Variants in GRID1 observed in about 807,000 individuals in gnomAD.
The protein encoded by GRID1 is glutamate receptor ionotropic, delta-1.
Under a neutral mutation model 98.0 loss-of-function variants are expected in GRID1, and 28 were observed. The observed-to-expected ratio is 0.29, with a 90% CI of 0.21 to 0.39. The LOEUF (loss-of-function observed/expected upper bound fraction) is 0.39, where lower values mean the gene tolerates loss of function less well. GRID1 is among the 10% of genes least tolerant of loss of function. The probability of loss-of-function intolerance (pLI) is 1.00; values close to 1 mark genes in which losing one functional copy is unlikely to be tolerated. For missense variants in GRID1, 1,111 were observed against 1,340.5 expected (o/e 0.83, Z 2.67); for synonymous variants, 553 against 538.5 (o/e 1.03, Z -0.37).
At position 85,856,095 on chromosome 10, in the gene GRID1, G is replaced by A. The variant is rs2131781584; in HGVS notation, c.1047C>T (p.Leu349=). ...GCTTAGTGGATTTCCGTATGCAGTT[G>A]AGGCTCGCCATGCTATGCCACTTCC... The part of the protein sequence containing the change: ...EDRKWHSMAS[L]NCIRKSTKPW... The change falls in exon 7 of 16, where the codon CTC becomes CTT. Residue 349 remains leucine (L), a synonymous_variant. Coordinates refer to ENST00000327946, the MANE Select transcript of GRID1 (RefSeq NM_017551.3). 1.2e-6 allele frequency: 2 copies of A among 1,614,158 alleles called. No individual in the cohort carries two copies. Among genetic ancestry groups the A allele is most frequent in the East Asian group, 2.2e-5 (1 of 44,868 alleles).
At chr10:86,215,272 C>T (rs964425824) in intron 2 of GRID1, among the ~76,000 whole-genome samples, 4 of 152,180 alleles carry the variant, frequency 2.6e-5, no homozygotes, top group Non-Finnish European at 4.4e-5. Flanking sequence ...GACGGACTGT[C>T]GTCCAGGGCA....
Position 85,724,515 on chromosome 10 carries a change from C to T in GRID1, c.1695G>A (p.Val565=), listed in dbSNP as rs779794486. 7 of 1,614,120 alleles carry T rather than the reference C, an allele frequency of 4.3e-6. No individual in the cohort carries two copies. The highest frequency in any genetic ancestry group is 3.3e-5 in the South Asian group (3 of 91,086). The change falls in exon 11 of 16, where the codon GTG becomes GTA. Residue 565 remains valine (V), a synonymous_variant. Transcript: ENST00000327946. ...FSLFAPFDFA[V]WACIAAAIPV... ...GGATGGCTGCTGCAATGCAGGCCCA[C>T]ACAGCGAAATCAAATGGAGCAAAGA...
intron 4 of GRID1, among the ~76,000 whole-genome samples, chr10:86,098,982 C>T (rs1844257887): frequency 6.6e-6 from 1 of 152,216 alleles, no homozygotes; most frequent in Non-Finnish European, 1.5e-5. Flanking sequence ...GCACTCAACA[C>T]AAGCACACTC....
At chr10:85,875,148 G>C (rs1431576505) in intron 5 of GRID1, among the ~76,000 whole-genome samples, 1 of 152,194 alleles carries the variant, frequency 6.6e-6, no homozygotes, top group African/African-American at 2.4e-5. Context: ...AAAGTGCTGG[G>C]ATTACAGGTG....
At chr10:86,313,820 G>T (rs1416969226) in intron 2 of GRID1, among the ~76,000 whole-genome samples, 1 of 152,188 alleles carries the variant, frequency 6.6e-6, no homozygotes, top group Non-Finnish European at 1.5e-5. Flanking sequence ...TGGCGCTCCT[G>T]GTGGCTGGCT....
chr10:86,138,236 C>A (rs1458424020), intron 4 of GRID1, among the ~76,000 whole-genome samples: 1 of 152,194 alleles, frequency 6.6e-6, no homozygotes, highest in East Asian at 1.9e-4. Flanking sequence ...TGAATGGATT[C>A]TTTACTAACC....
chr10:86,351,982 C>G (rs1848469535), intron 2 of GRID1, among the ~76,000 whole-genome samples: 1 of 152,332 alleles, frequency 6.6e-6, no homozygotes, highest in East Asian at 1.9e-4. Flanking sequence ...TTTAGGTACA[C>G]CAGGGACCCT....
chr10:85,758,517 G>T (rs970648420), intron 8 of GRID1, among the ~76,000 whole-genome samples: 1 of 152,162 alleles, frequency 6.6e-6, no homozygotes, highest in Non-Finnish European at 1.5e-5. Context: ...TAGCTTCAGG[G>T]TTTTCAAACT....
intron 8 of GRID1, among the ~76,000 whole-genome samples, chr10:85,830,279 C>G (rs1452214790): frequency 6.6e-6 from 1 of 152,080 alleles, no homozygotes; most frequent in Non-Finnish European, 1.5e-5. Flanking sequence ...AAACTGGACC[C>G]CTTCCTTACA....
At chr10:85,839,134 G>C (rs1342466321) in intron 8 of GRID1, among the ~76,000 whole-genome samples, 1 of 152,164 alleles carries the variant, frequency 6.6e-6, no homozygotes, top group Admixed American at 6.5e-5. Context: ...GGATCACCAA[G>C]ATTCATAAAG....
At chr10:85,948,264 A>G (rs1426142362) in intron 4 of GRID1, among the ~76,000 whole-genome samples, 8 of 152,234 alleles carry the variant, frequency 5.3e-5, no homozygotes, top group Non-Finnish European at 4.4e-5. Context: ...ATCTAAAATT[A>G]TTCCAAGTGA....
At chr10:85,607,624 G>A (rs541608591) in intron 15 of GRID1, among the ~76,000 whole-genome samples, 4 of 152,186 alleles carry the variant, frequency 2.6e-5, no homozygotes, top group East Asian at 3.9e-4. Flanking sequence ...ATGTTTTAGG[G>A]AGGGCAATGA....
At position 86,023,545 on chromosome 10, in the gene GRID1, C is replaced by T. The variant is rs577956303; in HGVS notation, c.727-107306G>A. On this transcript the variant is annotated intron_variant, in intron 4 of 15. Transcript: ENST00000327946. ...ACCCACTGCTTCTCCAGGTCCCTGT[C>T]CAGACCCCTCTCTTGAACACCATTT... Among the ~76,000 whole-genome samples the T allele has an allele frequency of 1.4e-4, 21 of 152,280 alleles. No homozygotes were observed. The South Asian group carries it at 4.1e-3, about 30-fold the overall frequency.
At chr10:86,259,376 G>A (rs1347321250) in intron 2 of GRID1, among the ~76,000 whole-genome samples, 1 of 152,166 alleles carries the variant, frequency 6.6e-6, no homozygotes, top group East Asian at 1.9e-4. Context: ...CATGTTCACT[G>A]ATGACAACTA....
chr10:85,602,227 G>C lies in GRID1; in HGVS notation c.*46C>G, dbSNP rs1590152897. On this transcript the variant is annotated 3_prime_UTR_variant, in exon 16 of 16. Coordinates refer to ENST00000327946, the MANE Select transcript of GRID1 (RefSeq NM_017551.3). ...TTGTTTTCTTGTATTAAAAAGCTCT[G>C]CTGGTCGGGTGGGTGGGAGGGTGGG... 1 of 1,245,912 alleles carries C rather than the reference G, an allele frequency of 8.0e-7. No individual in the cohort carries two copies. Among genetic ancestry groups the C allele is most frequent in the African/African-American group, 1.5e-5 (1 of 64,926 alleles). The allele number at this position is 1,245,912 out of a possible 1,614,324, so 77.2% of individuals were successfully genotyped here. A position where few individuals can be genotyped will look rare whatever the true frequency, so the allele number is the denominator to read the frequency against.
At chr10:85,734,835 A>T (rs1243314577) in intron 8 of GRID1, among the ~76,000 whole-genome samples, 1 of 152,178 alleles carries the variant, frequency 6.6e-6, no homozygotes, top group African/African-American at 2.4e-5. Flanking sequence ...AACATAGAAA[A>T]GCACGGTTCA....
At chr10:85,708,609 C>T (rs1301505623) in intron 12 of GRID1, among the ~76,000 whole-genome samples, 1 of 152,146 alleles carries the variant, frequency 6.6e-6, no homozygotes, top group Non-Finnish European at 1.5e-5. Context: ...ATGATCATTT[C>T]ATATTGGCAA....
chr10:85,608,509 G>A (rs1842697582), intron 15 of GRID1, among the ~76,000 whole-genome samples: 1 of 152,186 alleles, frequency 6.6e-6, no homozygotes, highest in Non-Finnish European at 1.5e-5. Flanking sequence ...ACGTGTTTGA[G>A]CTCCTACTAC....
At chr10:86,084,443 T>G (rs1309170682) in intron 4 of GRID1, among the ~76,000 whole-genome samples, 1 of 152,158 alleles carries the variant, frequency 6.6e-6, no homozygotes, top group Non-Finnish European at 1.5e-5. Context: ...AAAATTTCTA[T>G]CAATAAAAAT....
Sources: allele counts gnomAD v4.1 joint callset (sites outside exome capture counted in the v4.1 genomes callset), GRCh38; gene constraint gnomAD v4.1.1; transcripts MANE v1.5; gene names NCBI Gene and HGNC (gene_info 2026-07-23, HGNC 2026-07-21).